Variants in N4BP2L2 observed in about 807,000 individuals in gnomAD.
N4BP2L2 encodes the protein NEDD4 binding protein 2 like 2, also known as NEDD4-binding protein 2-like 2.
A neutral mutation model predicts 56.2 loss-of-function variants in N4BP2L2; 50 were observed. The observed-to-expected ratio is 0.89, with a 90% CI of 0.71 to 1.13. The LOEUF (loss-of-function observed/expected upper bound fraction) is 1.13. Among genes scored for constraint, N4BP2L2 ranks in the 50% most tolerant of loss-of-function variants. The pLI, the probability that N4BP2L2 is intolerant of heterozygous loss-of-function variation, is 0.00. For synonymous variants in N4BP2L2, 203 were observed against 223.6 expected, an observed-to-expected ratio of 0.91 and a Z score of 0.82; for missense variants, 689 against 693.8, an observed-to-expected ratio of 0.99 and a Z score of 0.08.
At chr13:32,446,729 T>C (rs180892900) in intron 6 of N4BP2L2, among the ~76,000 whole-genome samples, 60 of 152,268 alleles carry the variant, frequency 3.9e-4, no homozygotes, top group Admixed American at 2.7e-3. Flanking sequence ...TAATTCCATA[T>C]ACCAGCAGAA....
intron 4 of N4BP2L2, 30 bp downstream of exon 4, chr13:32,522,152 A>C (rs749596680): frequency 3.6e-6 from 5 of 1,401,558 alleles, no homozygotes; most frequent in African/African-American, 1.5e-5. Flanking sequence ...AAGAATAAAA[A>C]ATAAAAACTT....
intron 6 of N4BP2L2, among the ~76,000 whole-genome samples, chr13:32,502,821 C>A (rs143500665): frequency 6.6e-6 from 1 of 152,180 alleles, no homozygotes; most frequent in African/African-American, 2.4e-5. Flanking sequence ...TCACTATATA[C>A]TTCTCGATGA....
intron 6 of N4BP2L2, among the ~76,000 whole-genome samples, chr13:32,498,798 T>C (rs1367740226): frequency 6.8e-6 from 1 of 147,150 alleles, no homozygotes; most frequent in Admixed American, 6.8e-5. Context: ...AGCTCAGGAG[T>C]TCAAGATCAG....
At chr13:32,475,376 T>C (rs2083115085) in intron 6 of N4BP2L2, among the ~76,000 whole-genome samples, 1 of 152,124 alleles carries the variant, frequency 6.6e-6, no homozygotes, top group Admixed American at 6.5e-5. Context: ...AGCTTCCTCA[T>C]GCAGAGAAAG....
At chr13:32,459,440 G>A (rs1042373757) in intron 6 of N4BP2L2, among the ~76,000 whole-genome samples, 2 of 151,842 alleles carry the variant, frequency 1.3e-5, no homozygotes, top group Non-Finnish European at 2.9e-5. Context: ...AATGAAAAAC[G>A]AGACATAACA....
chr13:32,490,365 C>T (rs779421478), intron 6 of N4BP2L2, among the ~76,000 whole-genome samples: 5 of 152,054 alleles, frequency 3.3e-5, no homozygotes, highest in Non-Finnish European at 5.9e-5. Context: ...AGTGCAGTGG[C>T]GCGATCTCGG....
chr13:32,492,330 T>G (rs1446108073), intron 6 of N4BP2L2, among the ~76,000 whole-genome samples: 1 of 132,838 alleles, frequency 7.5e-6, no homozygotes, highest in African/African-American at 2.8e-5. Context: ...TCGGCGAGGC[T>G]GGAGTGCGGT....
chr13:32,529,839 C>T (rs2054180318), intron 2 of N4BP2L2, among the ~76,000 whole-genome samples: 1 of 151,880 alleles, frequency 6.6e-6, no homozygotes. Flanking sequence ...GGTTCTCCTG[C>T]CTCAGCCTCC....
exon 2 of N4BP2L2, chr13:32,536,374 A>T: frequency 6.2e-7 from 1 of 1,614,124 alleles, no homozygotes; most frequent in Non-Finnish European, 8.5e-7. Flanking sequence ...TCTTTTCTTC[A>T]TCAGGTTTTA....
intron 6 of N4BP2L2, among the ~76,000 whole-genome samples, chr13:32,492,120 A>G (rs1190688911): frequency 3.3e-5 from 5 of 152,148 alleles, no homozygotes; most frequent in South Asian, 4.1e-4. Context: ...GAAAAATGTT[A>G]TATTACGTAA....
At chr13:32,518,110 TAAAC>T (rs1369497636) in intron 5 of N4BP2L2, 107 bp from the exon 6 acceptor site, 1 of 1,010,048 alleles carries the variant, frequency 9.9e-7, no homozygotes, top group Non-Finnish European at 1.4e-6. Flanking sequence ...ATTTTGTAAA[TAAAC>T]AATATATATT....
At chr13:32,500,546 C>CA (rs1169575568) in intron 6 of N4BP2L2, among the ~76,000 whole-genome samples, 1,628 of 52,162 alleles carry the variant, frequency 0.031, 84 homozygotes, top group African/African-American at 0.072. Context: ...CCTGTCTCTA[C>CA]AAAAAAAAAA....
At chr13:32,475,441 T>C (rs1441388342) in intron 6 of N4BP2L2, among the ~76,000 whole-genome samples, 1 of 152,208 alleles carries the variant, frequency 6.6e-6, no homozygotes, top group African/African-American at 2.4e-5. Flanking sequence ...AGCACGAATG[T>C]GCCAAGTTTT....
chr13:32,434,659 C>G (rs1408788366), intron 9 of N4BP2L2, among the ~76,000 whole-genome samples: 1 of 152,088 alleles, frequency 6.6e-6, no homozygotes, highest in African/African-American at 2.4e-5. Context: ...TTGTGGCTCC[C>G]AGAGCCAACC....
At chr13:32,497,990 T>G (rs2089148356) in intron 6 of N4BP2L2, among the ~76,000 whole-genome samples, 2 of 152,180 alleles carry the variant, frequency 1.3e-5, no homozygotes, top group African/African-American at 4.8e-5. Flanking sequence ...ACAGTAATTT[T>G]TTTTCCTTTT....
chr13:32,510,810 A>C (rs1174274022), exon 6 of N4BP2L2: 1 of 152,104 alleles, frequency 6.6e-6, no homozygotes, highest in Non-Finnish European at 1.5e-5. Context: ...ACTCTTTTCA[A>C]TTTTGACTTT....
At chr13:32,518,117 T>A in intron 5 of N4BP2L2, 114 bp from the exon 6 acceptor site, 1 of 957,572 alleles carries the variant, frequency 1.0e-6, no homozygotes, top group Non-Finnish European at 1.5e-6. Context: ...AAATAAACAA[T>A]ATATATTTCA....
At chr13:32,454,416 T>TG (rs1306408492) in intron 6 of N4BP2L2, among the ~76,000 whole-genome samples, 3 of 151,740 alleles carry the variant, frequency 2.0e-5, no homozygotes, top group African/African-American at 4.8e-5. Flanking sequence ...AAACAAACCT[T>TG]GGGGGGGAGG....
intron 6 of N4BP2L2, among the ~76,000 whole-genome samples, chr13:32,503,536 T>A (rs1344490190): frequency 7.2e-5 from 11 of 152,202 alleles, no homozygotes; most frequent in Admixed American, 3.3e-4. Context: ...TTATTTACTT[T>A]TATATTTCCA....
Sources: allele counts gnomAD v4.1 joint callset (sites outside exome capture counted in the v4.1 genomes callset), GRCh38; gene constraint gnomAD v4.1.1; transcripts MANE v1.5; gene names NCBI Gene and HGNC (gene_info 2026-07-23, HGNC 2026-07-21).